The following CNTN5 variants were observed in gnomAD, a reference collection of about 807,000 sequenced individuals.
CNTN5 encodes the protein contactin 5, also known as contactin-5.
In CNTN5, 77 loss-of-function variants were observed where a neutral mutation model predicts 129.1. That is an observed-to-expected ratio of 0.60 (90% CI 0.50 to 0.72). The LOEUF is 0.72. Ranked by LOEUF, CNTN5 falls within the 30% of genes least tolerant of loss-of-function variation. The pLI is 0.00. For missense variants in CNTN5, 1,478 were observed against 1,328.8 expected, an observed-to-expected ratio of 1.11 and a Z score of -1.75; for synonymous variants, 509 against 465.6, an observed-to-expected ratio of 1.09 and a Z score of -1.20.
chr11:99,268,739 A>G (rs764552781), intron 1 of CNTN5, among the ~76,000 whole-genome samples: 6 of 152,042 alleles, frequency 3.9e-5, no homozygotes, highest in Non-Finnish European at 8.8e-5. Flanking sequence ...AAAAATATGG[A>G]TATGAAATAA....
chr11:99,965,974 A>G (rs1038435525), intron 8 of CNTN5, among the ~76,000 whole-genome samples: 13 of 152,210 alleles, frequency 8.5e-5, no homozygotes, highest in Admixed American at 8.5e-4. Context: ...TATATATTGC[A>G]CCACGGTCAG....
At chr11:99,534,802 T>A (rs933793120) in intron 2 of CNTN5, among the ~76,000 whole-genome samples, 17 of 152,154 alleles carry the variant, frequency 1.1e-4, no homozygotes, top group Admixed American at 5.9e-4. Flanking sequence ...TAAAGTAATA[T>A]TTCATATATT....
rs139774875 is a variant in CNTN5, at chr11:99,176,801, C to A, written c.-209-148545C>A. On this transcript the variant is annotated intron_variant, in intron 1 of 24. Coordinates refer to ENST00000524871, the MANE Select transcript of CNTN5 (RefSeq NM_014361.4). ...TGAGCTTCCACCTTTGACCTGCCTGCCACCACTCAGTATGTTTCCATCACA... is the reference window on the plus strand; with the variant it reads ...TGAGCTTCCACCTTTGACCTGCCTGACACCACTCAGTATGTTTCCATCACA... Among the ~76,000 whole-genome samples, 650 of 152,246 alleles carry A rather than the reference C, an allele frequency of 4.3e-3. 5 individuals are homozygous for A. Among genetic ancestry groups the A allele is most frequent in the African/African-American group, 0.015 (627 of 41,542 alleles).
chr11:100,284,306 G>C (rs146494946), intron 18 of CNTN5, among the ~76,000 whole-genome samples: 40 of 152,278 alleles, frequency 2.6e-4, no homozygotes, highest in African/African-American at 9.6e-4. Flanking sequence ...AATCAGTGGA[G>C]CCTTCTATTC....
At chr11:99,965,368 C>A (rs1350737190) in intron 8 of CNTN5, among the ~76,000 whole-genome samples, 1 of 151,912 alleles carries the variant, frequency 6.6e-6, no homozygotes, top group Non-Finnish European at 1.5e-5. Context: ...TGTCTTTGTT[C>A]TCGTTGGTTT....
At chr11:100,143,249 T>C (rs1046072002) in intron 13 of CNTN5, among the ~76,000 whole-genome samples, 31 of 152,150 alleles carry the variant, frequency 2.0e-4, no homozygotes, top group Admixed American at 1.3e-3. Flanking sequence ...CCAAGCTTCA[T>C]TGACGACATC....
intron 6 of CNTN5, among the ~76,000 whole-genome samples, chr11:99,867,485 C>G (rs1272772249): frequency 6.6e-6 from 1 of 152,166 alleles, no homozygotes; most frequent in Non-Finnish European, 1.5e-5. Flanking sequence ...GGTGGGACTG[C>G]ATTCCATTAT....
chr11:99,658,018 A>T (rs578108067), intron 3 of CNTN5, among the ~76,000 whole-genome samples: 1 of 152,018 alleles, frequency 6.6e-6, no homozygotes, highest in Non-Finnish European at 1.5e-5. Flanking sequence ...TAAAATTTAT[A>T]TTTTATTAAT....
intron 13 of CNTN5, among the ~76,000 whole-genome samples, chr11:100,086,147 A>G (rs2137961736): frequency 6.6e-6 from 1 of 152,028 alleles, no homozygotes; most frequent in African/African-American, 2.4e-5. Context: ...TTAGTAGCCA[A>G]GAGGTAGTCT....
At chr11:99,311,086 G>A (rs1393674705) in intron 1 of CNTN5, among the ~76,000 whole-genome samples, 3 of 152,072 alleles carry the variant, frequency 2.0e-5, no homozygotes, top group African/African-American at 4.8e-5. Context: ...ACGATACCAC[G>A]CCCGGATAAT....
intron 3 of CNTN5, among the ~76,000 whole-genome samples, chr11:99,582,952 G>GT (rs1370453993): frequency 2.0e-5 from 3 of 152,138 alleles, no homozygotes; most frequent in Non-Finnish European, 4.4e-5. Flanking sequence ...CATCTTTGTG[G>GT]TTTTATCTAC....
chr11:99,819,553 A>AATCTCTTCC lies in CNTN5; in HGVS notation c.66_74dup (p.Ser23_Pro25dup), dbSNP rs775243907. ...ATTTTTTCTCTTACAGAGTATTCAA[A>AATCTCTTCC]ATCTCTTCCTGGTCTCTCCACTTCA... On this transcript the variant is annotated inframe_insertion, in exon 4 of 25. Transcript: ENST00000524871. 12 of 1,610,532 alleles carry AATCTCTTCC rather than the reference A, an allele frequency of 7.5e-6. No homozygotes were observed. Among genetic ancestry groups the AATCTCTTCC allele is most frequent in the Non-Finnish European group, 1.0e-5 (12 of 1,178,192 alleles).
chr11:99,098,750 G>A (rs1230431014), intron 1 of CNTN5, among the ~76,000 whole-genome samples: 3 of 151,810 alleles, frequency 2.0e-5, no homozygotes, highest in African/African-American at 7.3e-5. Context: ...CGTATTCATA[G>A]CATGCTTAAG....
At chr11:99,334,361 T>C (rs1420328299) in intron 2 of CNTN5, among the ~76,000 whole-genome samples, 1 of 152,154 alleles carries the variant, frequency 6.6e-6, no homozygotes, top group Non-Finnish European at 1.5e-5. Context: ...GCAAAGAAAC[T>C]TTGAAATAGT....
intron 2 of CNTN5, among the ~76,000 whole-genome samples, chr11:99,525,435 G>T (rs529535015): frequency 6.6e-6 from 1 of 152,192 alleles, no homozygotes; most frequent in Non-Finnish European, 1.5e-5. Context: ...CAGATGAATA[G>T]ATTATGAAAT....
intron 8 of CNTN5, among the ~76,000 whole-genome samples, chr11:99,967,779 C>G (rs11222087): frequency 6.6e-6 from 1 of 151,970 alleles, no homozygotes; most frequent in Non-Finnish European, 1.5e-5. Context: ...TGCTTCCAGT[C>G]TCCCTTCAGG....
At chr11:100,292,758 A>G (rs1233210796) in intron 18 of CNTN5, among the ~76,000 whole-genome samples, 2 of 151,974 alleles carry the variant, frequency 1.3e-5, no homozygotes, top group African/African-American at 4.8e-5. Flanking sequence ...GGAGGCAGGC[A>G]ATGAGAAAGA....
chr11:99,420,302 G>A (rs994192091), intron 2 of CNTN5, among the ~76,000 whole-genome samples: 1 of 152,052 alleles, frequency 6.6e-6, no homozygotes, highest in African/African-American at 2.4e-5. Flanking sequence ...TGGGAAAAAG[G>A]TTATCCCCAA....
chr11:99,204,418 T>C (rs535782584), intron 1 of CNTN5, among the ~76,000 whole-genome samples: 27 of 152,318 alleles, frequency 1.8e-4, no homozygotes, highest in Admixed American at 2.0e-4. Flanking sequence ...TTATTCCTTT[T>C]TTTCCCCTCT....
Sources: allele counts gnomAD v4.1 joint callset (sites outside exome capture counted in the v4.1 genomes callset), GRCh38; gene constraint gnomAD v4.1.1; transcripts MANE v1.5; gene names NCBI Gene and HGNC (gene_info 2026-07-23, HGNC 2026-07-21).